ZNF423: variants seen among roughly 807,000 people sequenced by gnomAD.
ZNF423 encodes Ebf-associated zinc finger protein.
A neutral mutation model predicts 95.8 loss-of-function variants in ZNF423; 12 were observed. The ratio of observed to expected loss-of-function variants is 0.13; its 90% CI spans 0.08 to 0.20. The LOEUF is 0.20. Among genes scored for constraint, ZNF423 ranks in the 10% least tolerant of loss-of-function variants. ZNF423 has a pLI of 1.00. For synonymous variants in ZNF423, 749 were observed against 711.9 expected, an observed-to-expected ratio of 1.05 and a Z score of -0.83; for missense variants, 1,316 against 1,737.1, an observed-to-expected ratio of 0.76 and a Z score of 4.31.
At chr16:49,742,355 A>G (rs1046821599) in intron 2 of ZNF423, among the ~76,000 whole-genome samples, 3 of 152,172 alleles carry the variant, frequency 2.0e-5, no homozygotes, top group African/African-American at 7.2e-5. Flanking sequence ...GGGAGGAGGG[A>G]AGCAGGGGGG....
At chr16:49,812,385 C>T (rs187450877) in intron 1 of ZNF423, among the ~76,000 whole-genome samples, 254 of 152,238 alleles carry the variant, frequency 1.7e-3, no homozygotes, top group African/African-American at 4.5e-3. Context: ...GCATAGTCAA[C>T]GCTACTGATA....
intron 3 of ZNF423, among the ~76,000 whole-genome samples, chr16:49,666,929 C>G (rs1252137092): frequency 1.3e-5 from 2 of 152,162 alleles, no homozygotes; most frequent in African/African-American, 2.4e-5. Flanking sequence ...AAGCACAAGC[C>G]CATGGCCCAG....
rs1971432067 is a variant in ZNF423 at position 49,603,207 on chromosome 16, A to G, written c.3601+22963T>C. On this transcript the variant is annotated intron_variant, in intron 5 of 7. Coordinates refer to ENST00000563137, the MANE Select transcript of ZNF423 (RefSeq NM_001379286.1). The surrounding 1 kb of genome is among the most constrained non-coding windows in gnomAD (Gnocchi z 4.1). The stretch of plus-strand genomic sequence containing the variant: ...TCTGGCAGGGCCGCCAGGGACCACA[A>G]TGTAAATGGTGTCCCCTAGAGTTGT... 1.3e-5 allele frequency among the ~76,000 whole-genome samples: 2 copies of G among 152,192 alleles called. No individual in the cohort carries two copies. The highest frequency in any genetic ancestry group is 4.1e-4 in the South Asian group (2 of 4,826).
intron 7 of ZNF423, among the ~76,000 whole-genome samples, chr16:49,500,824 C>T (rs1296049387): frequency 6.6e-6 from 1 of 151,694 alleles, no homozygotes; most frequent in Non-Finnish European, 1.5e-5. Flanking sequence ...GGGAGGATCA[C>T]TTGAGCCCAG....
intron 3 of ZNF423, among the ~76,000 whole-genome samples, chr16:49,695,369 C>T (rs182415736): frequency 8.5e-5 from 13 of 152,286 alleles, no homozygotes; most frequent in South Asian, 2.1e-4. Flanking sequence ...CTCGGCTCAC[C>T]GCAACCTCCA....
intron 3 of ZNF423, among the ~76,000 whole-genome samples, chr16:49,678,267 A>T (rs942961454): frequency 5.9e-5 from 9 of 151,514 alleles, no homozygotes; most frequent in Non-Finnish European, 7.4e-5. Context: ...GGACATAAAT[A>T]TTTAAGTTGT....
At chr16:49,626,334 G>T in intron 4 of ZNF423, 80 bp from the exon 5 acceptor site, 2 of 1,343,450 alleles carry the variant, frequency 1.5e-6, no homozygotes, top group Non-Finnish European at 1.1e-6. Flanking sequence ...TAGGGGGCCT[G>T]GGTCAAGACT....
chr16:49,532,513 G>A (rs925810898), intron 5 of ZNF423, among the ~76,000 whole-genome samples: 3 of 152,156 alleles, frequency 2.0e-5, no homozygotes, highest in African/African-American at 7.2e-5. Flanking sequence ...TTTCACAAAG[G>A]CTTCTAAATG....
chr16:49,491,434 A>G (rs1966957944), intron 7 of ZNF423, 130 bp from the exon 8 acceptor site: 1 of 1,179,548 alleles, frequency 8.5e-7, no homozygotes, highest in African/African-American at 1.5e-5. Context: ...AAATGCAACA[A>G]GGAAAAAGTG....
At chr16:49,535,771 C>G (rs1337222595) in intron 5 of ZNF423, among the ~76,000 whole-genome samples, 1 of 152,180 alleles carries the variant, frequency 6.6e-6, no homozygotes, top group Admixed American at 6.5e-5. Flanking sequence ...TGGGGATCCA[C>G]TAGGTAAAAG....
rs116917929 is a variant in ZNF423, at chr16:49,827,667, C to T, written c.40+28068G>A. Among the ~76,000 whole-genome samples, 167 of 152,270 alleles carry T rather than the reference C, an allele frequency of 1.1e-3. 2 individuals are homozygous for T. In the East Asian group the frequency reaches 0.028, roughly 26 times the overall value. On this transcript the variant is annotated intron_variant, in intron 1 of 7. Transcript: ENST00000563137. ...AGTAGCTGGGACTACAGGCATGTGC[C>T]ACCACGCCAGGCTAATTTTTGCATT...
chr16:49,620,906 G>A (rs1972055301), intron 5 of ZNF423, among the ~76,000 whole-genome samples: 1 of 152,174 alleles, frequency 6.6e-6, no homozygotes, highest in Non-Finnish European at 1.5e-5. Flanking sequence ...GGAGGGCAGT[G>A]TACATACATT....
At position 49,577,131 on chromosome 16, in the gene ZNF423, GGCCAGCTGGC is replaced by G. The variant is rs1312899296; in HGVS notation, c.3601+49029_3601+49038del. Among the ~76,000 whole-genome samples the G allele has an allele frequency of 2.0e-5, 3 of 152,314 alleles. No individual in the cohort carries two copies. The East Asian group carries it at 5.8e-4, about 29-fold the overall frequency. The stretch of plus-strand genomic sequence containing the variant: ...GCAGACAATGGAAGACCTGGGGTCA[GGCCAGCTGGC>G]GTGGGGGGGTGGGGTCCCTGCAGGA... On this transcript the variant is annotated intron_variant, in intron 5 of 7. Coordinates refer to ENST00000563137, the MANE Select transcript of ZNF423 (RefSeq NM_001379286.1).
At chr16:49,594,750 C>A (rs1447246307) in intron 5 of ZNF423, among the ~76,000 whole-genome samples, 1 of 152,168 alleles carries the variant, frequency 6.6e-6, no homozygotes, top group Non-Finnish European at 1.5e-5. Flanking sequence ...TGCAGATGGA[C>A]AGGCGCAAAT....
chr16:49,720,275 G>A (rs2032827973), intron 3 of ZNF423, among the ~76,000 whole-genome samples: 1 of 152,206 alleles, frequency 6.6e-6, no homozygotes, highest in Non-Finnish European at 1.5e-5. Context: ...TGGGTCTGGA[G>A]ACCTCAAAGA....
rs902534988 is a variant in ZNF423 at position 49,512,545 on chromosome 16, G to A, written c.3849+11079C>T. Among the ~76,000 whole-genome samples, 3 of 152,208 alleles carry A rather than the reference G, an allele frequency of 2.0e-5. No homozygotes were observed. In the East Asian group the frequency reaches 5.8e-4, roughly 29 times the overall value. On this transcript the variant is annotated intron_variant, in intron 7 of 7. Transcript: ENST00000563137. ...AGCTCCACAGCATGGGCATGGCATC[G>A]CCACAACATGTGGTCACATTCAGTA... is the stretch of plus-strand genomic sequence containing the variant.
chr16:49,760,548 G>A (rs191894305), intron 2 of ZNF423, among the ~76,000 whole-genome samples: 2 of 152,204 alleles, frequency 1.3e-5, no homozygotes, highest in African/African-American at 4.8e-5. Flanking sequence ...AACCAACTGT[G>A]CTAGGGATAG....
At chr16:49,711,475 AT>A (rs1240997113) in intron 3 of ZNF423, 1 of 152,226 alleles carries the variant, frequency 6.6e-6, no homozygotes. Flanking sequence ...GGTATCATTC[AT>A]TTTTTAATCA....
intron 2 of ZNF423, among the ~76,000 whole-genome samples, chr16:49,734,521 G>T (rs1036541507): frequency 3.3e-5 from 5 of 152,220 alleles, no homozygotes; most frequent in Non-Finnish European, 7.3e-5. Flanking sequence ...GGCCTCCAGG[G>T]CTGGGGAGGG....
Sources: gnomAD v4.1 joint callset for allele counts (sites outside exome capture counted in the v4.1 genomes callset) on GRCh38, gnomAD v4.1.1 for gene constraint, Gnocchi (gnomAD v3.1) non-coding constraint, MANE v1.5 for transcripts, NCBI Gene and HGNC (gene_info 2026-07-23, HGNC 2026-07-21) for gene names.